The following SH2D4B variants were observed in gnomAD, a reference collection of about 807,000 sequenced individuals.
The protein encoded by SH2D4B is SH2 domain-containing protein 4B.
A neutral mutation model predicts 61.5 loss-of-function variants in SH2D4B; 45 were observed. That is an observed-to-expected ratio of 0.73 (90% CI 0.58 to 0.94). The LOEUF (loss-of-function observed/expected upper bound fraction) is 0.94, where lower values mean the gene tolerates loss of function less well. SH2D4B is among the 40% of genes least tolerant of loss of function. The pLI is 0.00. For missense variants in SH2D4B, 572 were observed against 574.2 expected (o/e 1.00, Z 0.04); for synonymous variants, 224 against 220.4 (o/e 1.02, Z -0.14).
chr10:80,586,399 G>C lies in SH2D4B; in HGVS notation c.496-2231G>C, dbSNP rs186181385. Reference sequence around the variant, plus strand: ...CTAGGGGATTGTAAATACACCAATCGGCACTCTGTATCTAGCTCAAGGTTT... The same window carrying C: ...CTAGGGGATTGTAAATACACCAATCCGCACTCTGTATCTAGCTCAAGGTTT... On this transcript the variant is annotated intron_variant, in intron 3 of 7. Transcript: ENST00000646907. Among the ~76,000 whole-genome samples the C allele has an allele frequency of 5.6e-4, 78 of 138,084 alleles. 4 individuals carry two copies. In the East Asian group the frequency reaches 0.017, roughly 30 times the overall value. 90.6% of individuals were successfully genotyped at this position (138,084 alleles called of 152,430 possible).
At position 80,644,084 on chromosome 10, in the gene SH2D4B, A is replaced by C; in HGVS notation, c.1301A>C (p.Ter434SerextTer15). 2.5e-6 allele frequency: 4 copies of C among 1,613,318 alleles called. No homozygotes were observed. The highest frequency in any genetic ancestry group is 3.4e-6 in the Non-Finnish European group (4 of 1,179,504). The stretch of plus-strand genomic sequence containing the variant: ...CCAGACTACCATCTGTTGTTTGAAT[A>C]ATTTTTTTCCTTATCAATTGGATTC... ...SPPDYHLLFE[*>S] Residue 434 changes from the stop codon to serine (S), a stop_lost, in exon 8 of 8, where the codon TAA becomes TCA. Transcript: ENST00000646907.
chr10:80,601,147 TG>T (rs1322597047), intron 4 of SH2D4B, among the ~76,000 whole-genome samples: 4 of 152,152 alleles, frequency 2.6e-5, no homozygotes, highest in Non-Finnish European at 5.9e-5. Context: ...CTTGGAGTCT[TG>T]TAACATAAGG....
chr10:80,538,822 T>C lies in SH2D4B; in HGVS notation c.184+307T>C, dbSNP rs1841541215. Among the ~76,000 whole-genome samples the C allele has an allele frequency of 6.6e-6, 1 of 152,230 alleles. No homozygotes were observed. The highest frequency in any genetic ancestry group is 6.5e-5 in the Admixed American group (1 of 15,282). The stretch of plus-strand genomic sequence containing the variant: ...GGAAGACACCATTGAGACTTCAGAT[T>C]GTGCTCCGACGTGGTTGGCAATGGT... On this transcript the variant is annotated intron_variant, in intron 1 of 7. Transcript: ENST00000646907. The surrounding 1 kb of genome is among the most constrained non-coding windows in gnomAD (Gnocchi z 4.8).
At chr10:80,588,817 G>C (rs772788873) in intron 4 of SH2D4B, 40 bp downstream of exon 4, 7 of 1,608,766 alleles carry the variant, frequency 4.4e-6, no homozygotes, top group African/African-American at 1.3e-5. Flanking sequence ...GACCAGTCCC[G>C]CCTCCCCACC....
At chr10:80,582,747 A>G (rs1283326969) in intron 3 of SH2D4B, among the ~76,000 whole-genome samples, 3 of 152,198 alleles carry the variant, frequency 2.0e-5, no homozygotes, top group Non-Finnish European at 4.4e-5. Context: ...GAAATTTACA[A>G]GAAGGTGCTT....
chr10:80,572,350 G>A, intron 3 of SH2D4B, among the ~76,000 whole-genome samples: 1 of 152,132 alleles, frequency 6.6e-6, no homozygotes, highest in East Asian at 1.9e-4. Context: ...CTATTGACAG[G>A]TGCTGGTTAG....
chr10:80,552,955 GC>G (rs1336153634), intron 1 of SH2D4B, among the ~76,000 whole-genome samples: 1 of 151,464 alleles, frequency 6.6e-6, no homozygotes, highest in African/African-American at 2.4e-5. Context: ...TGCTCTTGCT[GC>G]CCAGGCTGGA....
intron 6 of SH2D4B, among the ~76,000 whole-genome samples, chr10:80,616,343 G>A (rs969103295): frequency 2.0e-5 from 3 of 152,122 alleles, no homozygotes; most frequent in Non-Finnish European, 2.9e-5. Context: ...AAAGAAGTAG[G>A]TCAGTTGACC....
intron 7 of SH2D4B, among the ~76,000 whole-genome samples, chr10:80,643,626 C>T (rs556073130): frequency 1.3e-4 from 20 of 152,040 alleles, no homozygotes; most frequent in South Asian, 6.2e-4. Flanking sequence ...GAACCGTGTG[C>T]GTCTCCTCAT....
chr10:80,638,772 G>A (rs1396293477), intron 7 of SH2D4B, among the ~76,000 whole-genome samples: 2 of 152,078 alleles, frequency 1.3e-5, no homozygotes, highest in Non-Finnish European at 2.9e-5. Context: ...AGGGTTTTTT[G>A]TGTGTCTATC....
chr10:80,553,566 C>T (rs1302552934), intron 1 of SH2D4B, among the ~76,000 whole-genome samples: 1 of 152,146 alleles, frequency 6.6e-6, no homozygotes, highest in African/African-American at 2.4e-5. Flanking sequence ...ATCATGGCCC[C>T]GGTGGGAGCT....
At chr10:80,563,675 G>A (rs1337950400) in intron 1 of SH2D4B, among the ~76,000 whole-genome samples, 2 of 151,974 alleles carry the variant, frequency 1.3e-5, no homozygotes, top group Non-Finnish European at 2.9e-5. Context: ...TTTAACTAGG[G>A]GAAATATTGA....
intron 1 of SH2D4B, among the ~76,000 whole-genome samples, chr10:80,547,692 C>CA (rs1841700611): frequency 6.6e-6 from 1 of 152,114 alleles, no homozygotes; most frequent in Non-Finnish European, 1.5e-5. Flanking sequence ...TGTAAATATT[C>CA]AAGGAACAAT....
intron 6 of SH2D4B, among the ~76,000 whole-genome samples, chr10:80,614,810 A>T (rs1046037926): frequency 5.3e-5 from 8 of 152,218 alleles, no homozygotes; most frequent in African/African-American, 1.9e-4. Context: ...GGGGCTGGCC[A>T]CAGGGTAGGT....
Position 80,603,924 on chromosome 10 carries a change from A to G in SH2D4B, c.860+129A>G, listed in dbSNP as rs1030599758. On this transcript the variant is annotated intron_variant, in intron 5 of 7. Coordinates refer to ENST00000646907, the MANE Select transcript of SH2D4B (RefSeq NM_001388272.1). ...TTTGGGGCTAGCATTTCCCCTCTGGACTTCAGCCCTAGTCTAGGGTAGGAG... is the reference window on the plus strand; with the variant it reads ...TTTGGGGCTAGCATTTCCCCTCTGGGCTTCAGCCCTAGTCTAGGGTAGGAG... The G allele has an allele frequency of 1.7e-5, 13 of 764,358 alleles. No homozygotes were observed. The African/African-American group carries it at 2.3e-4, about 13-fold the overall frequency. The allele number at this position is 764,358 out of a possible 1,614,324, so 47.3% of individuals were successfully genotyped here. A position where few individuals can be genotyped will look rare whatever the true frequency, so the allele number is the denominator to read the frequency against.
chr10:80,602,087 A>C (rs11186234), intron 4 of SH2D4B, among the ~76,000 whole-genome samples: 17,823 of 152,156 alleles, frequency 0.12, 1,212 homozygotes, highest in East Asian at 0.25. Context: ...AGGTCCCAGA[A>C]CTCCCATTTG....
At chr10:80,603,495 C>A in intron 4 of SH2D4B, 84 bp from the exon 5 acceptor site, 1 of 1,309,340 alleles carries the variant, frequency 7.6e-7, no homozygotes, top group Non-Finnish European at 1.0e-6. Context: ...ACTTTTGCAC[C>A]AACCAAATAC....
chr10:80,619,652 C>G (rs1054494935), intron 6 of SH2D4B, among the ~76,000 whole-genome samples: 1 of 152,250 alleles, frequency 6.6e-6, no homozygotes, highest in African/African-American at 2.4e-5. Context: ...CATCCATTGT[C>G]CTCCTGGGAT....
rs185322325 is a variant in SH2D4B at position 80,644,890 on chromosome 10, G to T, written c.*805G>T. On this transcript the variant is annotated 3_prime_UTR_variant, in exon 8 of 8. Transcript: ENST00000646907. ...CTGGGATGTGGCCCTCTCTATGCAGGTTACTCCAATGATTAGCTCTGTCCT... is the reference window on the plus strand; with the variant it reads ...CTGGGATGTGGCCCTCTCTATGCAGTTTACTCCAATGATTAGCTCTGTCCT... 1.3e-5 allele frequency: 2 copies of T among 152,276 alleles called. No homozygotes were observed. Among genetic ancestry groups the T allele is most frequent in the East Asian group, 1.9e-4 (1 of 5,190 alleles). 9.4% of individuals were successfully genotyped at this position (152,276 alleles called of 1,614,324 possible). A position where few individuals can be genotyped will look rare whatever the true frequency, so the allele number is the denominator to read the frequency against.
Sources: allele counts gnomAD v4.1 joint callset (sites outside exome capture counted in the v4.1 genomes callset), GRCh38; gene constraint gnomAD v4.1.1; non-coding constraint Gnocchi (gnomAD v3.1); transcripts MANE v1.5; gene names NCBI Gene and HGNC (gene_info 2026-07-23, HGNC 2026-07-21).